Variants in SOBP observed in about 807,000 individuals in gnomAD.
SOBP encodes the protein sine oculis-binding protein homolog.
SOBP carries 4 observed loss-of-function variants against 53.6 expected under a neutral mutation model. The ratio of observed to expected loss-of-function variants is 0.07; its 90% CI spans 0.04 to 0.17. The LOEUF is 0.17. SOBP is among the 10% of genes least tolerant of loss of function. The pLI is 1.00. For synonymous variants in SOBP, 584 were observed against 522.6 expected (o/e 1.12, Z -1.60); for missense variants, 1,088 against 1,204.7 (o/e 0.90, Z 1.43).
At chr6:107,510,027 A>G (rs1317499979) in intron 3 of SOBP, among the ~76,000 whole-genome samples, 1 of 152,224 alleles carries the variant, frequency 6.6e-6, no homozygotes, top group South Asian at 2.1e-4. Context: ...AGGAACTTAC[A>G]GGGAAGTTGA....
intron 5 of SOBP, among the ~76,000 whole-genome samples, chr6:107,619,205 C>T (rs1193299788): frequency 1.3e-5 from 2 of 152,116 alleles, no homozygotes; most frequent in African/African-American, 2.4e-5. Context: ...GGCCCAGTAC[C>T]ACAAAAGAAA....
chr6:107,530,741 G>A (rs147929661), intron 3 of SOBP, among the ~76,000 whole-genome samples: 1 of 152,198 alleles, frequency 6.6e-6, no homozygotes, highest in African/African-American at 2.4e-5. Context: ...ACTGCGGGGA[G>A]CGTTGACTTA....
At chr6:107,514,474 A>T (rs559913394) in intron 3 of SOBP, 1 of 152,340 alleles carries the variant, frequency 6.6e-6, no homozygotes, top group East Asian at 1.9e-4. Context: ...AGATACTATG[A>T]TATGGGTCCT....
At chr6:107,612,727 G>C (rs1278400817) in intron 5 of SOBP, among the ~76,000 whole-genome samples, 2 of 151,970 alleles carry the variant, frequency 1.3e-5, no homozygotes, top group East Asian at 3.8e-4. Context: ...CAGAACCTTT[G>C]TAATTATTAA....
At chr6:107,606,347 G>T (rs1786380309) in intron 5 of SOBP, among the ~76,000 whole-genome samples, 1 of 152,024 alleles carries the variant, frequency 6.6e-6, no homozygotes, top group African/African-American at 2.4e-5. Flanking sequence ...AAAGTGCTAG[G>T]ATTACAGGTG....
At chr6:107,552,537 G>A (rs1784488557) in intron 4 of SOBP, among the ~76,000 whole-genome samples, 1 of 152,166 alleles carries the variant, frequency 6.6e-6, no homozygotes, top group Non-Finnish European at 1.5e-5. Context: ...GTCATTCTGA[G>A]CCTGGACCAA....
chr6:107,654,193 G>A (rs1370446166), intron 6 of SOBP, among the ~76,000 whole-genome samples: 1 of 152,236 alleles, frequency 6.6e-6, no homozygotes, highest in Admixed American at 6.5e-5. Flanking sequence ...GCCCGATGGA[G>A]ACCATGCCTT....
In SOBP at chr6:107,633,334, A is replaced by T. The variant is rs190748071; in HGVS notation, c.670-180A>T. Reference sequence around the variant, plus strand: ...TTGGTATTCTGAAGAGCTCATATTTATAAAGCCAACCCATCATTTTACAAA... The same window carrying T: ...TTGGTATTCTGAAGAGCTCATATTTTTAAAGCCAACCCATCATTTTACAAA... On this transcript the variant is annotated intron_variant, in intron 5 of 6. Coordinates refer to ENST00000317357, the MANE Select transcript of SOBP (RefSeq NM_018013.4). Among the ~76,000 whole-genome samples the T allele has an allele frequency of 2.0e-5, 3 of 152,380 alleles. No homozygotes were observed. The East Asian group carries it at 5.8e-4, about 29-fold the overall frequency.
intron 1 of SOBP, among the ~76,000 whole-genome samples, chr6:107,492,891 A>C (rs191160098): frequency 2.0e-5 from 3 of 152,170 alleles, no homozygotes; most frequent in Admixed American, 2.0e-4. Flanking sequence ...CCTAACCAAA[A>C]ATTTTAGTCA....
At chr6:107,617,615 G>T (rs1049074607) in intron 5 of SOBP, among the ~76,000 whole-genome samples, 2 of 152,144 alleles carry the variant, frequency 1.3e-5, no homozygotes, top group African/African-American at 2.4e-5. Flanking sequence ...TTCCAAACAT[G>T]TAATGTTTAA....
intron 5 of SOBP, among the ~76,000 whole-genome samples, chr6:107,598,212 A>G (rs757269114): frequency 6.0e-4 from 91 of 152,376 alleles, no homozygotes; most frequent in South Asian, 8.3e-4. Flanking sequence ...TATATGAACA[A>G]TGTACTTCCA....
At chr6:107,513,724 C>T (rs1331226494) in intron 3 of SOBP, among the ~76,000 whole-genome samples, 1 of 96,312 alleles carries the variant, frequency 1.0e-5, no homozygotes, top group African/African-American at 3.9e-5. Context: ...ATGCAATTCT[C>T]AAAAAAAAAA....
At chr6:107,597,399 G>T (rs991977442) in intron 5 of SOBP, among the ~76,000 whole-genome samples, 6 of 152,060 alleles carry the variant, frequency 3.9e-5, no homozygotes, top group Non-Finnish European at 8.8e-5. Flanking sequence ...ATGATAGTAA[G>T]TATATGAATT....
chr6:107,583,206 C>T (rs73762271), intron 4 of SOBP, among the ~76,000 whole-genome samples: 2,106 of 152,292 alleles, frequency 0.014, 52 homozygotes, highest in African/African-American at 0.047. Flanking sequence ...CTCATTCTTA[C>T]AGATCACTTA....
intron 3 of SOBP, among the ~76,000 whole-genome samples, chr6:107,525,106 C>T (rs894655018): frequency 6.6e-6 from 1 of 152,170 alleles, no homozygotes; most frequent in Non-Finnish European, 1.5e-5. Context: ...TTCTGTGGAA[C>T]GTGCTTTTGG....
At position 107,660,424 on chromosome 6, in the gene SOBP, GT is replaced by G. The variant is rs1300075042; in HGVS notation, c.*2224del. On this transcript the variant is annotated 3_prime_UTR_variant, in exon 7 of 7. Transcript: ENST00000317357. ...AGCACACAGTGCATGGGAAGTGAGT[GT>G]TTAGGCTGTAGACCCAGGTGTGGTG... Among the ~76,000 whole-genome samples the G allele has an allele frequency of 6.6e-6, 1 of 152,278 alleles. No individual in the cohort carries two copies. Among genetic ancestry groups the G allele is most frequent in the Non-Finnish European group, 1.5e-5 (1 of 68,024 alleles).
chr6:107,581,404 T>A (rs371122836), intron 4 of SOBP, among the ~76,000 whole-genome samples: 2 of 152,098 alleles, frequency 1.3e-5, no homozygotes, highest in African/African-American at 4.8e-5. Context: ...CCCGAGGAGT[T>A]GGGCCACTGA....
chr6:107,497,717 G>A (rs1178628450), intron 1 of SOBP, among the ~76,000 whole-genome samples: 2 of 152,006 alleles, frequency 1.3e-5, no homozygotes, highest in East Asian at 3.9e-4. Context: ...TATTTTAGTG[G>A]CAAAATAGTA....
intron 4 of SOBP, among the ~76,000 whole-genome samples, chr6:107,566,659 C>G (rs1010897989): frequency 1.3e-5 from 2 of 152,188 alleles, no homozygotes; most frequent in African/African-American, 2.4e-5. Flanking sequence ...CCCTATAGCT[C>G]ATGGTCTTCA....
Sources: gnomAD v4.1 joint callset for allele counts (sites outside exome capture counted in the v4.1 genomes callset) on GRCh38, gnomAD v4.1.1 for gene constraint, MANE v1.5 for transcripts, NCBI Gene and HGNC (gene_info 2026-07-23, HGNC 2026-07-21) for gene names.